The following MGAM variants were observed in gnomAD, a reference collection of about 807,000 sequenced individuals.
MGAM encodes the protein alpha-1,4-glucosidase.
In MGAM, 253 loss-of-function variants were observed where a neutral mutation model predicts 358.8. The observed-to-expected ratio is 0.71, with a 90% CI of 0.64 to 0.78. The LOEUF is 0.78. MGAM is among the 30% of genes least tolerant of loss of function. MGAM has a pLI of 0.00. For missense variants in MGAM, 3,080 were observed against 3,432.6 expected (o/e 0.90, Z 2.57); for synonymous variants, 1,105 against 1,227.1 (o/e 0.90, Z 2.08).
intron 57 of MGAM, among the ~76,000 whole-genome samples, chr7:142,087,595 T>A (rs1474653304): frequency 2.0e-5 from 3 of 146,368 alleles, no homozygotes; most frequent in Non-Finnish European, 4.6e-5. Flanking sequence ...ATGCCTATTC[T>A]TTCTGGGCAG....
chr7:142,079,458 C>T (rs1332049432), intron 49 of MGAM, among the ~76,000 whole-genome samples: 2 of 145,664 alleles, frequency 1.4e-5, no homozygotes, highest in African/African-American at 4.9e-5. Context: ...ATGGATGGTG[C>T]TGACATCAAC....
Position 142,086,806 on chromosome 7 carries a change from C to T in MGAM, c.6810+89C>T. ...AATGTGGACATGCCTGTACTGTGGA[C>T]ATGGGCTTGGCAAGGGAGAAACACT... On this transcript the variant is annotated intron_variant, in intron 57 of 70. Coordinates refer to ENST00000475668, the MANE Select transcript of MGAM (RefSeq NM_001365693.1). 4 of 640,144 alleles carry T rather than the reference C, an allele frequency of 6.2e-6. No homozygotes were observed. The Admixed American group carries it at 1.2e-4, about 19-fold the overall frequency. The allele number at this position is 640,144 out of a possible 1,614,324, so 39.7% of individuals were successfully genotyped here.
At chr7:142,046,778 G>T (rs1486791989) in intron 21 of MGAM, among the ~76,000 whole-genome samples, 6 of 151,998 alleles carry the variant, frequency 3.9e-5, no homozygotes, top group African/African-American at 1.2e-4. Context: ...AGAATATCCG[G>T]TCCACCATAT....
rs1813324207 is a variant in MGAM at position 142,071,235 on chromosome 7, G to GT, written c.5186+123dup. 1.1e-5 allele frequency: 13 copies of GT among 1,216,192 alleles called. No homozygotes were observed. The South Asian group carries it at 1.6e-4, about 15-fold the overall frequency. The allele number at this position is 1,216,192 out of a possible 1,614,324, so 75.3% of individuals were successfully genotyped here. On this transcript the variant is annotated intron_variant, in intron 44 of 70. Transcript: ENST00000475668. ...CCACATGCAATTCTACTCAACACTT[G>GT]TTTTTTCTTTGTTTTGTTGTTTGTG...
intron 8 of MGAM, among the ~76,000 whole-genome samples, chr7:142,026,424 A>G (rs572975269): frequency 1.3e-5 from 2 of 152,306 alleles, no homozygotes; most frequent in South Asian, 4.1e-4. Context: ...AATAGAAAAG[A>G]CAGAATTTAT....
At chr7:141,991,827 C>G (rs1050637829), upstream of MGAM, among the ~76,000 whole-genome samples, 1 of 152,244 alleles carries the variant, frequency 6.6e-6, no homozygotes, top group Non-Finnish European at 1.5e-5. Context: ...TATCTCCAAG[C>G]CTAGATAAGG....
intron 3 of MGAM, 125 bp downstream of exon 3, chr7:142,008,830 T>C (rs552029640): frequency 3.0e-6 from 3 of 988,208 alleles, no homozygotes; most frequent in Non-Finnish European, 4.4e-6. Context: ...GTTGCAGCCA[T>C]TAGTGGCTCA....
chr7:142,053,083 C>A, intron 26 of MGAM, 99 bp downstream of exon 26: 1 of 1,248,914 alleles, frequency 8.0e-7, no homozygotes, highest in Non-Finnish European at 1.1e-6. Flanking sequence ...GTTAATCATG[C>A]TACAACAGAC....
chr7:141,994,931 A>G (rs951488304), upstream of MGAM, among the ~76,000 whole-genome samples: 1 of 152,192 alleles, frequency 6.6e-6, no homozygotes, highest in Non-Finnish European at 1.5e-5. Flanking sequence ...GTCTTTATAG[A>G]AGTGTGAAAA....
intron 7 of MGAM, among the ~76,000 whole-genome samples, chr7:142,023,121 A>G (rs79358043): frequency 0.037 from 5,595 of 152,094 alleles, 267 homozygotes; most frequent in African/African-American, 0.11. Context: ...GTACAGTGGC[A>G]CAACCATGAC....
intron 4 of MGAM, among the ~76,000 whole-genome samples, chr7:142,020,059 A>C: frequency 8.9e-6 from 1 of 112,164 alleles, no homozygotes; most frequent in African/African-American, 3.7e-5. Flanking sequence ...ACAGAGCGAG[A>C]CTCCGTCTCA....
chr7:142,015,908 A>C (rs1186337958), intron 3 of MGAM, among the ~76,000 whole-genome samples: 1 of 152,120 alleles, frequency 6.6e-6, no homozygotes, highest in African/African-American at 2.4e-5. Context: ...ATACTTTTTA[A>C]AATGAGTTTT....
At chr7:141,994,753 G>A (rs1804109179), upstream of MGAM, among the ~76,000 whole-genome samples, 1 of 152,130 alleles carries the variant, frequency 6.6e-6, no homozygotes, top group Non-Finnish European at 1.5e-5. Flanking sequence ...AGATCTGATG[G>A]TTTTGCAAAG....
chr7:142,027,272 G>A (rs1554461315), intron 9 of MGAM, 45 bp downstream of exon 9: 2 of 1,447,050 alleles, frequency 1.4e-6, no homozygotes, highest in African/African-American at 2.8e-5. Context: ...ATCCTAAACA[G>A]CAAATATTTT....
intron 21 of MGAM, among the ~76,000 whole-genome samples, chr7:142,043,462 ATT>A (rs1246278386): frequency 4.6e-5 from 3 of 64,552 alleles, no homozygotes; most frequent in African/African-American, 1.8e-4. Context: ...TAATATATAT[ATT>A]ATATATACAT....
chr7:142,005,807 C>G, intron 2 of MGAM, 150 bp downstream of exon 2: 1 of 678,588 alleles, frequency 1.5e-6, no homozygotes, highest in Non-Finnish European at 2.3e-6. Flanking sequence ...TTTTGGACAG[C>G]TCAGTAGATA....
intron 2 of MGAM, among the ~76,000 whole-genome samples, chr7:141,989,358 A>G (rs951384656): frequency 2.0e-5 from 3 of 152,152 alleles, no homozygotes; most frequent in Non-Finnish European, 2.9e-5. Flanking sequence ...GGAAACTGAC[A>G]TTGGATGTCA....
At chr7:142,069,956 G>A (rs1445347106) in intron 43 of MGAM, among the ~76,000 whole-genome samples, 2 of 145,720 alleles carry the variant, frequency 1.4e-5, no homozygotes, top group Admixed American at 6.9e-5. Flanking sequence ...GACTTTGGGA[G>A]GCCGAGATGG....
chr7:142,047,935 ACTC>A, intron 22 of MGAM, 62 bp downstream of exon 22: 1 of 1,245,956 alleles, frequency 8.0e-7, no homozygotes, highest in Non-Finnish European at 1.2e-6. Context: ...ATGGTCCTTC[ACTC>A]CTGCTGGTCA....
Sources: gnomAD v4.1 joint callset for allele counts (sites outside exome capture counted in the v4.1 genomes callset) on GRCh38, gnomAD v4.1.1 for gene constraint, MANE v1.5 for transcripts, NCBI Gene and HGNC (gene_info 2026-07-23, HGNC 2026-07-21) for gene names.